Variants in LRRIQ3 observed in about 807,000 individuals in gnomAD.
LRRIQ3 encodes the protein leucine-rich repeat and IQ domain-containing protein 3.
LRRIQ3 carries 75 observed loss-of-function variants against 59.3 expected under a neutral mutation model. The observed-to-expected ratio is 1.26, with a 90% CI of 1.05 to 1.53. The LOEUF is 1.53. LRRIQ3 is among the 40% of genes most tolerant of loss of function. The pLI, the probability that LRRIQ3 is intolerant of heterozygous loss-of-function variation, is 0.00. For missense variants in LRRIQ3, 831 were observed against 710.0 expected (o/e 1.17, Z -1.94); for synonymous variants, 250 against 231.3 (o/e 1.08, Z -0.73).
rs1243994081 is a variant in LRRIQ3, at chr1:74,183,529, A to C, written c.156T>G (p.Leu52=). The C allele has an allele frequency of 6.2e-7, 1 of 1,611,764 alleles. No homozygotes were observed. Among genetic ancestry groups the C allele is most frequent in the Admixed American group, 1.7e-5 (1 of 59,862 alleles). The change falls in exon 2 of 8, where the codon CTT becomes CTG. Residue 52 remains leucine (L), a synonymous_variant. Transcript: ENST00000354431. ...SMENLQSCIS[L]RVCIFSNNFI... is the part of the protein sequence containing the mutation. ...AATTGTTTGAGAAGATGCATACTCT[A>C]AGAGAGATGCAAGACTGCAAATTTT...
At chr1:74,186,625 C>A (rs975365348) in intron 1 of LRRIQ3, among the ~76,000 whole-genome samples, 1 of 152,044 alleles carries the variant, frequency 6.6e-6, no homozygotes, top group Non-Finnish European at 1.5e-5. Flanking sequence ...GGCACTATTG[C>A]CTCACTTGAA....
At position 74,109,307 on chromosome 1, in the gene LRRIQ3, G is replaced by C. The variant is rs1190971498; in HGVS notation, c.867+87C>G. 2.1e-5 allele frequency: 20 copies of C among 943,518 alleles called. No homozygotes were observed. In the Middle Eastern group the frequency reaches 6.9e-4, roughly 33 times the overall value. The allele number at this position is 943,518 out of a possible 1,614,324, so 58.4% of individuals were successfully genotyped here. On this transcript the variant is annotated intron_variant, in intron 5 of 7. Coordinates refer to ENST00000354431, the MANE Select transcript of LRRIQ3 (RefSeq NM_001105659.2). ...AATGTAATGAAGGACATTTAATAGA[G>C]ACTGAAGAAATAATAGCGCTACCTA...
intron 3 of LRRIQ3, among the ~76,000 whole-genome samples, chr1:74,161,949 C>T (rs769028301): frequency 6.6e-6 from 1 of 151,616 alleles, no homozygotes; most frequent in East Asian, 1.9e-4. Context: ...AATAATAATG[C>T]ATTCCCTCCA....
At chr1:74,066,222 C>G (rs984395699) in intron 6 of LRRIQ3, among the ~76,000 whole-genome samples, 11 of 150,280 alleles carry the variant, frequency 7.3e-5, no homozygotes, top group African/African-American at 2.7e-4. Context: ...TGTACCCATA[C>G]CTTAATATTT....
intron 3 of LRRIQ3, among the ~76,000 whole-genome samples, chr1:74,174,602 C>T (rs1343310097): frequency 2.7e-5 from 4 of 150,332 alleles, no homozygotes; most frequent in African/African-American, 9.8e-5. Flanking sequence ...CCATGTTAAC[C>T]AGGCTGGCCT....
chr1:74,044,999 C>T (rs1345628616), intron 6 of LRRIQ3, among the ~76,000 whole-genome samples: 1 of 152,044 alleles, frequency 6.6e-6, no homozygotes, highest in Non-Finnish European at 1.5e-5. Context: ...AGTCCAGGAC[C>T]AGAGGGATTC....
chr1:74,071,558 C>T (rs933758111), intron 6 of LRRIQ3, among the ~76,000 whole-genome samples: 2 of 152,108 alleles, frequency 1.3e-5, no homozygotes, highest in African/African-American at 2.4e-5. Context: ...CTTGATGTCC[C>T]AGATGTCTCC....
Position 74,072,957 on chromosome 1 carries a change from C to T in LRRIQ3, c.997+1704G>A, listed in dbSNP as rs563804419. Among the ~76,000 whole-genome samples the T allele has an allele frequency of 4.3e-4, 65 of 152,116 alleles. 1 individual carries two copies. The highest frequency in any genetic ancestry group is 3.3e-3 in the South Asian group (16 of 4,812). ...TTGATAACACTAAAAATGCTTTTGG[C>T]TCTTAATTTAGAATTTTTGATACTC... On this transcript the variant is annotated intron_variant, in intron 6 of 7. Transcript: ENST00000354431.
At chr1:74,058,903 G>T (rs977328188) in intron 6 of LRRIQ3, among the ~76,000 whole-genome samples, 1 of 151,932 alleles carries the variant, frequency 6.6e-6, no homozygotes, top group Non-Finnish European at 1.5e-5. Context: ...TTTACATCCA[G>T]CAATGTATGT....
intron 3 of LRRIQ3, among the ~76,000 whole-genome samples, chr1:74,170,732 T>C (rs142045873): frequency 2.0e-3 from 298 of 152,276 alleles, no homozygotes; most frequent in African/African-American, 6.6e-3. Flanking sequence ...GGTATTTTGA[T>C]AGGAATTGAT....
At position 74,041,931 on chromosome 1, in the gene LRRIQ3, G is replaced by T; in HGVS notation, c.1000C>A (p.Gln334Lys). The change falls in exon 7 of 8, where the codon CAG becomes AAG. Residue 334 changes from glutamine to lysine, a missense_variant and splice_region_variant. Physicochemically the swap from Gln to Lys is moderately conservative, Grantham distance 53. Transcript: ENST00000354431. ...TCCACAATTTCATCTTCAGACTCCT[G>T]ACCTACATCAAACAGAAGCAAATAT... ...KTSRHLIQKG[Q>K]ESEDEIVDEK... 6.3e-7 allele frequency: 1 copy of T among 1,589,696 alleles called. No individual in the cohort carries two copies. Among genetic ancestry groups the T allele is most frequent in the South Asian group, 1.1e-5 (1 of 87,924 alleles).
At chr1:74,160,660 C>G (rs1460157791) in intron 3 of LRRIQ3, among the ~76,000 whole-genome samples, 1 of 152,018 alleles carries the variant, frequency 6.6e-6, no homozygotes, top group East Asian at 1.9e-4. Flanking sequence ...AGGTCAGTTT[C>G]TCATATTGAA....
chr1:74,041,822 A>G lies in LRRIQ3; in HGVS notation c.1109T>C (p.Leu370Ser). ...TSGSLKNNAVLREKKQHFFPA... is the reference protein window; with the variant it reads ...TSGSLKNNAVSREKKQHFFPA... Reference sequence around the variant, plus strand: ...AAAAAAATGTTGTTTTTTCTCTCTCAATACTGCATTATTCTTCAATGAACC... The same window carrying G: ...AAAAAAATGTTGTTTTTTCTCTCTCGATACTGCATTATTCTTCAATGAACC... Residue 370 changes from leucine to serine, a missense_variant, in exon 7 of 8, where the codon TTG (leucine) becomes TCG (serine). Transcript: ENST00000354431. 6.2e-7 allele frequency: 1 copy of G among 1,613,520 alleles called. No homozygotes were observed. Among genetic ancestry groups the G allele is most frequent in the Non-Finnish European group, 8.5e-7 (1 of 1,179,734 alleles).
intron 3 of LRRIQ3, chr1:74,182,214 C>A (rs1183812955): frequency 6.4e-6 from 1 of 156,946 alleles, no homozygotes; most frequent in Non-Finnish European, 1.4e-5. Context: ...TCCTTTAACG[C>A]TCTTAAAAAA....
chr1:74,051,018 T>C (rs1228115754), intron 6 of LRRIQ3, among the ~76,000 whole-genome samples: 2 of 152,192 alleles, frequency 1.3e-5, no homozygotes, highest in Non-Finnish European at 2.9e-5. Context: ...TCACATGTAA[T>C]AAAGCTCTCC....
In LRRIQ3 at chr1:74,130,906, A is replaced by G. The variant is rs150936365; in HGVS notation, c.708-21353T>C. ...CAGAGCAGAACTGAAGGAGATAAAG[A>G]CACAAAAAACCCTTCAAAGAATCAA... On this transcript the variant is annotated intron_variant, in intron 4 of 7. Transcript: ENST00000354431. Among the ~76,000 whole-genome samples the G allele has an allele frequency of 2.4e-3, 364 of 152,268 alleles. 3 individuals carry two copies. The highest frequency in any genetic ancestry group is 2.0e-3 in the Non-Finnish European group (137 of 68,016).
intron 4 of LRRIQ3, among the ~76,000 whole-genome samples, chr1:74,136,719 T>C (rs1425928586): frequency 1.3e-5 from 2 of 151,974 alleles, no homozygotes; most frequent in Non-Finnish European, 2.9e-5. Context: ...TTGGGAAGAC[T>C]GTTCTTAGTA....
At chr1:74,100,509 T>C (rs527346843) in intron 5 of LRRIQ3, among the ~76,000 whole-genome samples, 1 of 152,094 alleles carries the variant, frequency 6.6e-6, no homozygotes, top group East Asian at 1.9e-4. Flanking sequence ...TTCAATGCCA[T>C]CCCCATAAAG....
At chr1:74,177,523 T>C (rs1313790385) in intron 3 of LRRIQ3, among the ~76,000 whole-genome samples, 1 of 152,164 alleles carries the variant, frequency 6.6e-6, no homozygotes, top group African/African-American at 2.4e-5. Flanking sequence ...ATGAAGAATT[T>C]ACCACTGTGT....
Sources: gnomAD v4.1 joint callset for allele counts (sites outside exome capture counted in the v4.1 genomes callset) on GRCh38, gnomAD v4.1.1 for gene constraint, MANE v1.5 for transcripts, NCBI Gene and HGNC (gene_info 2026-07-23, HGNC 2026-07-21) for gene names.